RGS21: variants seen among roughly 807,000 people sequenced by gnomAD.
RGS21 encodes regulator of G-protein signalling 21.
In RGS21, 19 loss-of-function variants were observed where a neutral mutation model predicts 18.7. The observed-to-expected ratio is 1.01, with a 90% CI of 0.71 to 1.49. The LOEUF is 1.49. RGS21 is among the 40% of genes most tolerant of loss of function. RGS21 has a pLI of 0.00. For synonymous variants in RGS21, 56 were observed against 57.8 expected, an observed-to-expected ratio of 0.97 and a Z score of 0.14; for missense variants, 194 against 176.8, an observed-to-expected ratio of 1.10 and a Z score of -0.55.
At chr1:192,337,790 T>C (rs1447001957) in intron 1 of RGS21, among the ~76,000 whole-genome samples, 1 of 152,208 alleles carries the variant, frequency 6.6e-6, no homozygotes, top group Non-Finnish European at 1.5e-5. Context: ...AAGCTGACTT[T>C]TAAATGTATA....
At chr1:192,327,761 C>T (rs568048829) in intron 1 of RGS21, among the ~76,000 whole-genome samples, 10 of 152,198 alleles carry the variant, frequency 6.6e-5, no homozygotes, top group African/African-American at 1.9e-4. Flanking sequence ...GTGTGAGCCA[C>T]CACTGGAGGC....
chr1:192,338,373 T>C (rs1329924387), intron 1 of RGS21, among the ~76,000 whole-genome samples: 2 of 152,268 alleles, frequency 1.3e-5, no homozygotes, highest in South Asian at 2.1e-4. Flanking sequence ...AAACCACTTA[T>C]ATAACCCTAT....
chr1:192,365,128 G>A (rs886621293), intron 4 of RGS21, among the ~76,000 whole-genome samples: 2 of 148,210 alleles, frequency 1.3e-5, no homozygotes, highest in East Asian at 3.9e-4. Flanking sequence ...AAGAGCAAAA[G>A]TGCGTCTCAA....
At chr1:192,320,436 C>A (rs1658479222) in intron 1 of RGS21, among the ~76,000 whole-genome samples, 1 of 151,914 alleles carries the variant, frequency 6.6e-6, no homozygotes, top group Non-Finnish European at 1.5e-5. Context: ...AATCAGAGCA[C>A]CTCATACAGT....
At chr1:192,334,724 T>G (rs1658739885) in intron 1 of RGS21, among the ~76,000 whole-genome samples, 1 of 152,156 alleles carries the variant, frequency 6.6e-6, no homozygotes, top group South Asian at 2.1e-4. Context: ...TATGTATATT[T>G]AACTACTAAG....
intron 1 of RGS21, among the ~76,000 whole-genome samples, chr1:192,319,305 T>C (rs985383703): frequency 6.6e-6 from 1 of 152,124 alleles, no homozygotes; most frequent in Non-Finnish European, 1.5e-5. Flanking sequence ...CTTCCAACTT[T>C]TTTTTATATC....
Position 192,343,067 on chromosome 1 carries a change from T to A in RGS21, c.11+20T>A. 1 of 1,610,522 alleles carries A rather than the reference T, an allele frequency of 6.2e-7. No individual in the cohort carries two copies. The highest frequency in any genetic ancestry group is 8.5e-7 in the Non-Finnish European group (1 of 1,176,954). On this transcript the variant is annotated intron_variant, in intron 2 of 4. Transcript: ENST00000417209. ...AGTGAAGTGAGTTGCCGTTTCCAGC[T>A]ATTTTTATCTCAGAAGATGTACAAA...
At chr1:192,319,533 A>C (rs965919713) in intron 1 of RGS21, among the ~76,000 whole-genome samples, 6 of 152,148 alleles carry the variant, frequency 3.9e-5, no homozygotes, top group Admixed American at 2.0e-4. Context: ...GTAATCAAGC[A>C]ACCTTACCTC....
chr1:192,357,870 G>A (rs1659132060), intron 4 of RGS21, among the ~76,000 whole-genome samples: 1 of 152,038 alleles, frequency 6.6e-6, no homozygotes, highest in Non-Finnish European at 1.5e-5. Context: ...GGAAAAAAGT[G>A]TCAGAAGTAT....
At chr1:192,326,121 T>C (rs1218752848) in intron 1 of RGS21, among the ~76,000 whole-genome samples, 1 of 152,124 alleles carries the variant, frequency 6.6e-6, no homozygotes, top group African/African-American at 2.4e-5. Context: ...GGAATGACTG[T>C]TGTCTCTATG....
chr1:192,329,615 T>C (rs1658617200), intron 1 of RGS21, among the ~76,000 whole-genome samples: 1 of 152,178 alleles, frequency 6.6e-6, no homozygotes, highest in Non-Finnish European at 1.5e-5. Context: ...TAAGGCAGTT[T>C]CATAGATTCT....
chr1:192,326,091 A>C (rs1341364103), intron 1 of RGS21, among the ~76,000 whole-genome samples: 1 of 152,090 alleles, frequency 6.6e-6, no homozygotes, highest in Non-Finnish European at 1.5e-5. Context: ...CAAATATTAC[A>C]ACTTAAATAT....
chr1:192,356,859 C>A (rs1438406921), intron 4 of RGS21, among the ~76,000 whole-genome samples: 6 of 151,746 alleles, frequency 4.0e-5, no homozygotes, highest in Non-Finnish European at 8.9e-5. Context: ...CCCCCAACTA[C>A]AGAATCATCT....
intron 2 of RGS21, among the ~76,000 whole-genome samples, chr1:192,346,312 C>G (rs1378361655): frequency 6.6e-6 from 1 of 152,004 alleles, no homozygotes; most frequent in Non-Finnish European, 1.5e-5. Flanking sequence ...GCATAGGAAT[C>G]ACTTCACACT....
chr1:192,356,401 AAAAT>A (rs1188899362), intron 4 of RGS21, among the ~76,000 whole-genome samples: 4 of 151,880 alleles, frequency 2.6e-5, no homozygotes, highest in African/African-American at 9.7e-5. Context: ...GAAATGTAAG[AAAAT>A]AAATAGAAAC....
At chr1:192,340,036 A>G (rs917657180) in intron 1 of RGS21, among the ~76,000 whole-genome samples, 2 of 152,106 alleles carry the variant, frequency 1.3e-5, no homozygotes, top group Non-Finnish European at 2.9e-5. Flanking sequence ...CAGTCTTCCA[A>G]TTATTCCACA....
rs750412675 is a variant in RGS21 at position 192,366,123 on chromosome 1, G to A, written c.458G>A (p.Ter153=). 6.4e-7 allele frequency: 1 copy of A among 1,563,980 alleles called. No individual in the cohort carries two copies. The highest frequency in any genetic ancestry group is 1.7e-5 in the Admixed American group (1 of 57,742). Residue 153 remains the stop codon, a stop_retained_variant, in exon 5 of 5, where the codon TGA becomes TAA. Coordinates refer to ENST00000417209, the MANE Select transcript of RGS21 (RefSeq NM_001039152.3). ...CATAAAAAATGGCTCCCTTTTTTGT[G>A]AGGAAGGTAAAAGTTAACTAATCAC... ...PNHKKWLPFL[*]
chr1:192,336,777 TA>T (rs201005228), intron 1 of RGS21, among the ~76,000 whole-genome samples: 11 of 150,758 alleles, frequency 7.3e-5, no homozygotes, highest in Middle Eastern at 3.4e-3. Flanking sequence ...AGTTAAGGGT[TA>T]AAAAAAAATG....
intron 4 of RGS21, 24 bp from the exon 5 acceptor site, chr1:192,365,897 G>A (rs764278851): frequency 2.3e-6 from 3 of 1,316,600 alleles, no homozygotes; most frequent in Admixed American, 3.6e-5. Flanking sequence ...CTAATTCAAT[G>A]ATATGCAACC....
Sources: gnomAD v4.1 joint callset for allele counts (sites outside exome capture counted in the v4.1 genomes callset) on GRCh38, gnomAD v4.1.1 for gene constraint, MANE v1.5 for transcripts, NCBI Gene and HGNC (gene_info 2026-07-23, HGNC 2026-07-21) for gene names.